The following SEC16B variants were observed in gnomAD, a reference collection of about 807,000 sequenced individuals.
SEC16B encodes protein transport protein Sec16B.
In SEC16B, 115 loss-of-function variants were observed where a neutral mutation model predicts 141.8. The observed-to-expected ratio is 0.81, with a 90% CI of 0.70 to 0.95. The LOEUF is 0.95. Ranked by LOEUF, SEC16B falls within the 40% of genes least tolerant of loss-of-function variation. SEC16B has a pLI of 0.00. For missense variants in SEC16B, 1,291 were observed against 1,312.3 expected (o/e 0.98, Z 0.25); for synonymous variants, 493 against 492.5 (o/e 1.00, Z -0.01).
chr1:177,956,304 TA>T (rs759049975), intron 10 of SEC16B, among the ~76,000 whole-genome samples: 15 of 152,142 alleles, frequency 9.9e-5, no homozygotes, highest in Non-Finnish European at 2.2e-4. Context: ...TTGCAAAATG[TA>T]AAATGTTTAC....
chr1:177,965,357 A>G (rs1189479822), intron 3 of SEC16B, among the ~76,000 whole-genome samples, 190 bp from the exon 4 acceptor site: 1 of 152,058 alleles, frequency 6.6e-6, no homozygotes, highest in South Asian at 2.1e-4. Context: ...TCCCCTCTGA[A>G]CTAGTTAGCA....
chr1:177,975,221 G>T (rs1359714870), intron 1 of SEC16B, among the ~76,000 whole-genome samples: 1 of 152,214 alleles, frequency 6.6e-6, no homozygotes, highest in African/African-American at 2.4e-5. Context: ...CAAGCTCCAT[G>T]GGGATGTCAG....
chr1:177,951,592 G>A (rs1652195491), intron 12 of SEC16B, among the ~76,000 whole-genome samples: 1 of 152,124 alleles, frequency 6.6e-6, no homozygotes, highest in South Asian at 2.1e-4. Flanking sequence ...GACATTTTGG[G>A]AAGGCCAAGG....
chr1:177,974,427 G>T (rs762420511), upstream of SEC16B, among the ~76,000 whole-genome samples: 1 of 152,148 alleles, frequency 6.6e-6, no homozygotes, highest in Non-Finnish European at 1.5e-5. Flanking sequence ...CAACATGGAG[G>T]TGCCAGAAAG....
intron 12 of SEC16B, among the ~76,000 whole-genome samples, chr1:177,950,246 C>T (rs1652065817): frequency 6.6e-6 from 1 of 152,026 alleles, no homozygotes; most frequent in Non-Finnish European, 1.5e-5. Context: ...GCTCCATTAC[C>T]AAAAGTAATG....
chr1:177,967,458 C>T (rs1653623134), intron 2 of SEC16B, among the ~76,000 whole-genome samples: 1 of 152,106 alleles, frequency 6.6e-6, no homozygotes, highest in Non-Finnish European at 1.5e-5. Flanking sequence ...TTTGTGATGG[C>T]TTCTTTAAGA....
chr1:177,959,152 CA>C (rs1557985013), intron 8 of SEC16B, 177 bp from the exon 9 acceptor site: 2 of 704,218 alleles, frequency 2.8e-6, no homozygotes, highest in Non-Finnish European at 4.9e-6. Context: ...TCTTATAGAA[CA>C]AGAAGAAATT....
chr1:177,976,618 C>A (rs1234475545), intron 1 of SEC16B, among the ~76,000 whole-genome samples: 1 of 152,124 alleles, frequency 6.6e-6, no homozygotes, highest in Non-Finnish European at 1.5e-5. Context: ...AATAATAGAA[C>A]CTCCTACCTC....
chr1:177,946,339 A>C (rs842192), intron 14 of SEC16B, 81 bp downstream of exon 14: 836,545 of 992,952 alleles, frequency 0.84, 353,970 homozygotes, highest in Admixed American at 0.9. Context: ...AAAATGAAAA[A>C]TGGATCCATA....
intron 7 of SEC16B, 158 bp downstream of exon 7, chr1:177,960,633 G>T: frequency 1.3e-6 from 1 of 798,866 alleles, no homozygotes; most frequent in Non-Finnish European, 2.0e-6. Flanking sequence ...ACCCATTCCT[G>T]CACCCTCCTA....
At chr1:177,971,139 T>C (rs190886058), upstream of SEC16B, among the ~76,000 whole-genome samples, 11 of 151,902 alleles carry the variant, frequency 7.2e-5, no homozygotes, top group African/African-American at 2.2e-4. Flanking sequence ...TGGAGTTTAA[T>C]GGTACAATCT....
chr1:177,931,724 T>C lies in SEC16B; in HGVS notation c.3012+766A>G, dbSNP rs146014906. On this transcript the variant is annotated intron_variant, in intron 24 of 25. Coordinates refer to ENST00000308284, the MANE Select transcript of SEC16B (RefSeq NM_033127.4). ...GACAAGAAGAAAAAGCCTCAATAAA[T>C]TATATTGATACCATCATAAAAAGTA... is the stretch of plus-strand genomic sequence containing the variant. Among the ~76,000 whole-genome samples, 931 of 152,312 alleles carry C rather than the reference T, an allele frequency of 6.1e-3. 9 individuals are homozygous for C. Among genetic ancestry groups the C allele is most frequent in the Non-Finnish European group, 8.3e-3 (564 of 68,008 alleles).
chr1:177,934,731 T>G (rs536458271), intron 20 of SEC16B, among the ~76,000 whole-genome samples: 130 of 152,286 alleles, frequency 8.5e-4, no homozygotes, highest in African/African-American at 3.0e-3. Context: ...TCTAGGAATT[T>G]CTTCTAAGTG....
intron 6 of SEC16B, 113 bp from the exon 7 acceptor site, chr1:177,961,052 A>C: frequency 2.5e-6 from 3 of 1,210,124 alleles, no homozygotes; most frequent in Non-Finnish European, 3.5e-6. Flanking sequence ...GAACCAAAAT[A>C]AGATTCTGGG....
chr1:177,934,707 T>G (rs1299428689), intron 20 of SEC16B, among the ~76,000 whole-genome samples: 2 of 152,274 alleles, frequency 1.3e-5, no homozygotes, highest in Admixed American at 1.3e-4. Context: ...AAAAGTAGGC[T>G]GTCTGGCTTT....
intron 1 of SEC16B, among the ~76,000 whole-genome samples, chr1:177,977,082 G>A (rs913784025): frequency 1.3e-5 from 2 of 152,084 alleles, no homozygotes; most frequent in African/African-American, 4.8e-5. Flanking sequence ...CAAATGTTTT[G>A]GAGTGAAATT....
intron 1 of SEC16B, among the ~76,000 whole-genome samples, chr1:177,969,249 G>A (rs1653788847): frequency 6.6e-6 from 1 of 152,186 alleles, no homozygotes; most frequent in South Asian, 2.1e-4. Context: ...ACGTCACTCT[G>A]CTCAAACACC....
chr1:177,946,100 T>C, intron 14 of SEC16B: 1 of 564,646 alleles, frequency 1.8e-6, no homozygotes, highest in East Asian at 2.9e-5. Flanking sequence ...ATGTAAAATG[T>C]TGTTTTTTTA....
chr1:177,975,961 A>C (rs551016186), intron 1 of SEC16B, among the ~76,000 whole-genome samples: 1 of 152,298 alleles, frequency 6.6e-6, no homozygotes, highest in East Asian at 1.9e-4. Context: ...GAGTGTGCCA[A>C]GAAAAGATGG....
Sources: gnomAD v4.1 joint callset for allele counts (sites outside exome capture counted in the v4.1 genomes callset) on GRCh38, gnomAD v4.1.1 for gene constraint, MANE v1.5 for transcripts, NCBI Gene and HGNC (gene_info 2026-07-23, HGNC 2026-07-21) for gene names.